ROR2: variants seen among roughly 807,000 people sequenced by gnomAD.
The protein encoded by ROR2 is ROR family WNT receptor 2.
ROR2 carries 33 observed loss-of-function variants against 74.9 expected under a neutral mutation model. The ratio of observed to expected loss-of-function variants is 0.44; its 90% CI spans 0.33 to 0.59. The LOEUF (loss-of-function observed/expected upper bound fraction) is 0.59. ROR2 is among the 20% of genes least tolerant of loss of function. The pLI, the probability that ROR2 is intolerant of heterozygous loss-of-function variation, is 0.02. For synonymous variants in ROR2, 586 were observed against 558.7 expected, an observed-to-expected ratio of 1.05 and a Z score of -0.69; for missense variants, 1,216 against 1,313.8, an observed-to-expected ratio of 0.93 and a Z score of 1.15.
chr9:91,829,570 A>AAAAAAAAAAAAC (rs1828398073), intron 1 of ROR2, among the ~76,000 whole-genome samples: 2 of 151,144 alleles, frequency 1.3e-5, no homozygotes, highest in African/African-American at 4.9e-5. Flanking sequence ...AAAAAAAAAA[A>AAAAAAAAAAAAC]AAAGCACACA....
intron 1 of ROR2, among the ~76,000 whole-genome samples, chr9:91,806,779 CG>C (rs1224811842): frequency 1.3e-5 from 2 of 152,022 alleles, no homozygotes; most frequent in Non-Finnish European, 2.9e-5. Flanking sequence ...TTAGTAGAGA[CG>C]GGGTTTCACC....
At chr9:91,939,019 G>A in intron 1 of ROR2, among the ~76,000 whole-genome samples, 1 of 152,164 alleles carries the variant, frequency 6.6e-6, no homozygotes, top group Non-Finnish European at 1.5e-5. Context: ...GGGAGGCCAA[G>A]GCGGGTGGAT....
chr9:91,773,543 T>C (rs891198760), intron 2 of ROR2, among the ~76,000 whole-genome samples: 2 of 152,236 alleles, frequency 1.3e-5, no homozygotes, highest in African/African-American at 4.8e-5. Context: ...TGCTACCCAT[T>C]GTGGGAGCCT....
Position 91,766,899 on chromosome 9 carries a change from G to C in ROR2, c.175+8842C>G, listed in dbSNP as rs558337744. On this transcript the variant is annotated intron_variant, in intron 2 of 8. Transcript: ENST00000375708. ...AACTTCCCCTTTCTAACTTAACAGT[G>C]GCACAACTTTAGCAACTGATGGTAC... 1.9e-4 allele frequency among the ~76,000 whole-genome samples: 29 copies of C among 152,248 alleles called. No individual in the cohort carries two copies. The South Asian group carries it at 6.0e-3, about 32-fold the overall frequency.
At position 91,826,337 on chromosome 9, in the gene ROR2, T is replaced by C. The variant is rs561690988; in HGVS notation, c.98-50519A>G. Among the ~76,000 whole-genome samples, 12 of 152,334 alleles carry C rather than the reference T, an allele frequency of 7.9e-5. No homozygotes were observed. In the South Asian group the frequency reaches 1.9e-3, roughly 24 times the overall value. On this transcript the variant is annotated intron_variant, in intron 1 of 8. Transcript: ENST00000375708. ...CACATACTCCAGACCCCCTTTCTTA[T>C]TTCATCGTGTTTTTAACCTTGACGT...
At chr9:91,901,073 C>A (rs530829301) in intron 1 of ROR2, among the ~76,000 whole-genome samples, 44 of 152,290 alleles carry the variant, frequency 2.9e-4, no homozygotes, top group African/African-American at 1.0e-3. Context: ...CGGGCAGAAT[C>A]CCCCTCCACT....
chr9:91,876,832 AG>A (rs1344375746), intron 1 of ROR2, among the ~76,000 whole-genome samples: 1 of 152,164 alleles, frequency 6.6e-6, no homozygotes, highest in African/African-American at 2.4e-5. Flanking sequence ...AGAAGTAAAG[AG>A]GAGCTTCAGA....
chr9:91,778,660 T>G (rs1417629770), intron 1 of ROR2, among the ~76,000 whole-genome samples: 4 of 152,202 alleles, frequency 2.6e-5, no homozygotes, highest in African/African-American at 9.6e-5. Context: ...AGGACACTAC[T>G]CTAGCCAAAC....
intron 1 of ROR2, among the ~76,000 whole-genome samples, chr9:91,811,499 T>G (rs1467419834): frequency 1.3e-5 from 2 of 152,166 alleles, no homozygotes; most frequent in Admixed American, 1.3e-4. Context: ...TTGCTGATCC[T>G]AGAGATATGG....
At chr9:91,932,661 CAA>C (rs200420615) in intron 1 of ROR2, among the ~76,000 whole-genome samples, 1 of 129,622 alleles carries the variant, frequency 7.7e-6, no homozygotes, top group Non-Finnish European at 1.7e-5. Flanking sequence ...GAGACTGTCT[CAA>C]AAAAAAAAAA....
At chr9:91,941,864 C>T (rs569328418) in intron 1 of ROR2, among the ~76,000 whole-genome samples, 85 of 151,816 alleles carry the variant, frequency 5.6e-4, no homozygotes, top group Admixed American at 2.2e-3. Flanking sequence ...GATCTCGGCT[C>T]ACTGCAGCCT....
chr9:91,881,932 G>C (rs887705999), intron 1 of ROR2, among the ~76,000 whole-genome samples: 1 of 152,250 alleles, frequency 6.6e-6, no homozygotes, highest in Non-Finnish European at 1.5e-5. Flanking sequence ...GAGGCCCTCA[G>C]GCTGGGCAGC....
At chr9:91,909,842 GTTTTGTTTTTT>G (rs1448217543) in intron 1 of ROR2, among the ~76,000 whole-genome samples, 12 of 55,976 alleles carry the variant, frequency 2.1e-4, no homozygotes, top group African/African-American at 3.7e-4. Flanking sequence ...TTTTAGGTTT[GTTTTGTTTTTT>G]TTTTTTTTTT....
chr9:91,789,363 A>C (rs1184387523), intron 1 of ROR2, among the ~76,000 whole-genome samples: 1 of 152,248 alleles, frequency 6.6e-6, no homozygotes. Flanking sequence ...TATTCACATG[A>C]AGAGATAAAT....
chr9:91,821,874 C>T (rs887280516), intron 1 of ROR2, among the ~76,000 whole-genome samples: 95 of 152,146 alleles, frequency 6.2e-4, no homozygotes, highest in African/African-American at 2.1e-3. Context: ...GCACTGGGAC[C>T]GAGGGTCCTT....
chr9:91,862,474 A>T (rs2119305111), intron 1 of ROR2, among the ~76,000 whole-genome samples: 1 of 152,184 alleles, frequency 6.6e-6, no homozygotes, highest in East Asian at 1.9e-4. Context: ...CCTCGTCAAC[A>T]CACTGAGGCC....
At chr9:91,895,775 C>T (rs940803345) in intron 1 of ROR2, among the ~76,000 whole-genome samples, 1 of 152,156 alleles carries the variant, frequency 6.6e-6, no homozygotes, top group Non-Finnish European at 1.5e-5. Context: ...ACATGAAAGA[C>T]GGCGGTTGCA....
chr9:91,920,394 T>C (rs1831232729), intron 1 of ROR2, among the ~76,000 whole-genome samples: 1 of 152,190 alleles, frequency 6.6e-6, no homozygotes, highest in Admixed American at 6.5e-5. Flanking sequence ...TAGTCTCAGC[T>C]ACTCGGGAGG....
intron 7 of ROR2, among the ~76,000 whole-genome samples, chr9:91,728,278 G>A (rs1003067506): frequency 4.6e-5 from 7 of 152,186 alleles, no homozygotes; most frequent in African/African-American, 1.2e-4. Context: ...GTTAAGTTTC[G>A]TGTTCTCCTA....
Sources: allele counts gnomAD v4.1 joint callset (sites outside exome capture counted in the v4.1 genomes callset), GRCh38; gene constraint gnomAD v4.1.1; transcripts MANE v1.5; gene names NCBI Gene and HGNC (gene_info 2026-07-23, HGNC 2026-07-21).